The following PCBP3 variants were observed in gnomAD, a reference collection of about 807,000 sequenced individuals.
PCBP3 encodes the protein poly(rC)-binding protein 3.
Under a neutral mutation model 52.7 loss-of-function variants are expected in PCBP3, and 25 were observed. The observed-to-expected ratio is 0.47, with a 90% CI of 0.35 to 0.66. The LOEUF (loss-of-function observed/expected upper bound fraction) is 0.66. PCBP3 is among the 30% of genes least tolerant of loss of function. The pLI is 0.01. For missense variants in PCBP3, 391 were observed against 490.3 expected, an observed-to-expected ratio of 0.80 and a Z score of 1.91; for synonymous variants, 162 against 183.0, an observed-to-expected ratio of 0.89 and a Z score of 0.93.
At position 45,805,133 on chromosome 21, in the gene PCBP3, G is replaced by A. The variant is rs1260570294; in HGVS notation, c.-125-44828G>A. Among the ~76,000 whole-genome samples the A allele has an allele frequency of 6.6e-6, 1 of 152,152 alleles. No individual in the cohort carries two copies. Among genetic ancestry groups the A allele is most frequent in the East Asian group, 1.9e-4 (1 of 5,170 alleles). On this transcript the variant is annotated intron_variant, in intron 4 of 17. Coordinates refer to ENST00000681687, the MANE Select transcript of PCBP3 (RefSeq NM_001384156.1). The surrounding 1 kb of genome is among the most constrained non-coding windows in gnomAD (Gnocchi z 4.6). ...TGCCACTCTGGGCATCGTCATCTTGGGCCATGGCTACCACATATGGCGCTT... is the reference window on the plus strand; with the variant it reads ...TGCCACTCTGGGCATCGTCATCTTGAGCCATGGCTACCACATATGGCGCTT...
intron 2 of PCBP3, among the ~76,000 whole-genome samples, chr21:45,674,237 T>C (rs1260855230): frequency 1.4e-4 from 22 of 152,226 alleles, no homozygotes; most frequent in Admixed American, 1.4e-3. Context: ...TTGTTATTCT[T>C]TATGTAGGAA....
chr21:45,740,621 A>AGAGTGT (rs1555916796), intron 3 of PCBP3, among the ~76,000 whole-genome samples: 3 of 150,380 alleles, frequency 2.0e-5, no homozygotes, highest in Non-Finnish European at 4.4e-5. Flanking sequence ...TGGTGTGTGT[A>AGAGTGT]GTGTGTGTGT....
intron 3 of PCBP3, chr21:45,750,406 C>CAA (rs1491230300): frequency 7.8e-6 from 1 of 128,180 alleles, no homozygotes; most frequent in Admixed American, 7.6e-5. Context: ...CCCCCCCCCC[C>CAA]CCCCCTTCTT....
At position 45,853,495 on chromosome 21, in the gene PCBP3, C is replaced by T. The variant is rs546638599; in HGVS notation, c.10+3400C>T. 6.6e-6 allele frequency among the ~76,000 whole-genome samples: 1 copy of T among 152,186 alleles called. No homozygotes were observed. The highest frequency in any genetic ancestry group is 1.5e-5 in the Non-Finnish European group (1 of 68,030). ...CACAGTCCACAGGGTGGGAGCAGCCCGAGCAAGCAGCTCACGGGCCCCAGC... is the reference window on the plus strand; with the variant it reads ...CACAGTCCACAGGGTGGGAGCAGCCTGAGCAAGCAGCTCACGGGCCCCAGC... On this transcript the variant is annotated intron_variant, in intron 5 of 17. Coordinates refer to ENST00000681687, the MANE Select transcript of PCBP3 (RefSeq NM_001384156.1). This position sits in a 1 kb window ranked among gnomAD's most constrained non-coding sequence, Gnocchi z 4.6.
intron 4 of PCBP3, among the ~76,000 whole-genome samples, chr21:45,774,925 T>C (rs771295623): frequency 5.3e-5 from 8 of 152,236 alleles, no homozygotes; most frequent in Non-Finnish European, 1.0e-4. Flanking sequence ...TAACATTTTG[T>C]TGAGCATTAT....
chr21:45,925,397 A>G, intron 13 of PCBP3, among the ~76,000 whole-genome samples: 1 of 152,238 alleles, frequency 6.6e-6, no homozygotes, highest in East Asian at 1.9e-4. Flanking sequence ...GGAGTGAAAT[A>G]AAAAAGAAAC....
chr21:45,662,119 T>C (rs2080432703), intron 1 of PCBP3, among the ~76,000 whole-genome samples: 1 of 152,098 alleles, frequency 6.6e-6, no homozygotes, highest in African/African-American at 2.4e-5. Flanking sequence ...TTTTGCTGTG[T>C]AGACACTTTT....
At chr21:45,707,813 G>T (rs1248945183) in intron 2 of PCBP3, among the ~76,000 whole-genome samples, 3 of 152,192 alleles carry the variant, frequency 2.0e-5, no homozygotes. Context: ...AGAGAGTGGG[G>T]CCATCACTGG....
rs1379848359 is a variant in PCBP3, at chr21:45,643,858, G to A, written c.-289G>A. The A allele has an allele frequency of 2.0e-5, 3 of 148,870 alleles. No individual in the cohort carries two copies. The highest frequency in any genetic ancestry group is 7.3e-5 in the African/African-American group (3 of 41,106). 9.2% of individuals were successfully genotyped at this position (148,870 alleles called of 1,614,324 possible). ...CGCCGGCCCGCGGGCTCGCCGTCCG[G>A]CGCAGGGCAGGTGAGTGAGCGGTGG... On this transcript the variant is annotated 5_prime_UTR_variant, in exon 1 of 18. Coordinates refer to ENST00000681687, the MANE Select transcript of PCBP3 (RefSeq NM_001384156.1).
rs17354122 is a variant in PCBP3, at chr21:45,939,517, A to C, written c.910-513A>C. On this transcript the variant is annotated intron_variant, in intron 16 of 17. Coordinates refer to ENST00000681687, the MANE Select transcript of PCBP3 (RefSeq NM_001384156.1). ...GTTTAATCTAAGTTCAGCAAAAGCTAAGTTTTAGGCAGCAGTGAGCTTTGC... is the reference window on the plus strand; with the variant it reads ...GTTTAATCTAAGTTCAGCAAAAGCTCAGTTTTAGGCAGCAGTGAGCTTTGC... Among the ~76,000 whole-genome samples the C allele has an allele frequency of 7.5e-3, 1,145 of 152,376 alleles. 7 individuals are homozygous for C. The highest frequency in any genetic ancestry group is 0.012 in the Non-Finnish European group (838 of 68,036).
chr21:45,885,490 T>C (rs977149332), intron 5 of PCBP3, among the ~76,000 whole-genome samples: 11 of 152,148 alleles, frequency 7.2e-5, no homozygotes, highest in East Asian at 3.9e-4. Context: ...CCCATCCCCT[T>C]TGTTCTCTTT....
intron 4 of PCBP3, among the ~76,000 whole-genome samples, chr21:45,844,128 C>T (rs1272178124): frequency 1.3e-5 from 2 of 152,026 alleles, no homozygotes; most frequent in African/African-American, 2.4e-5. Flanking sequence ...GGCCCCAGCT[C>T]CAGCAGTCTG....
intron 2 of PCBP3, among the ~76,000 whole-genome samples, chr21:45,698,017 A>G (rs954835629): frequency 3.9e-5 from 6 of 152,126 alleles, no homozygotes; most frequent in African/African-American, 1.2e-4. Flanking sequence ...ACTACTTCCC[A>G]TGCACCTTAT....
chr21:45,866,073 G>A (rs903244115), intron 5 of PCBP3, among the ~76,000 whole-genome samples: 135 of 152,188 alleles, frequency 8.9e-4, no homozygotes, highest in Admixed American at 3.2e-3. Context: ...CATGGGCTGC[G>A]GTGTTTCAAT....
intron 7 of PCBP3, 58 bp downstream of exon 7, chr21:45,899,680 T>C (rs2095971974): frequency 7.3e-7 from 1 of 1,365,234 alleles, no homozygotes; most frequent in East Asian, 2.3e-5. Flanking sequence ...ATGGTGAGGA[T>C]GGCAGCCTCC....
chr21:45,695,785 G>A (rs2082730225), intron 2 of PCBP3, among the ~76,000 whole-genome samples: 1 of 152,056 alleles, frequency 6.6e-6, no homozygotes, highest in South Asian at 2.1e-4. Context: ...AGCACGAAAA[G>A]AATGGTCTTT....
chr21:45,910,683 A>G (rs923069574), intron 10 of PCBP3, among the ~76,000 whole-genome samples: 1 of 152,050 alleles, frequency 6.6e-6, no homozygotes, highest in South Asian at 2.1e-4. Context: ...CCAGGTGCCA[A>G]GTGCGCCCGA....
At chr21:45,912,923 C>T (rs58139084) in intron 11 of PCBP3, among the ~76,000 whole-genome samples, 7,377 of 152,262 alleles carry the variant, frequency 0.048, 416 homozygotes, top group African/African-American at 0.13. Flanking sequence ...CAGCCACCCA[C>T]TCCCCATCTT....
chr21:45,934,113 G>A lies in PCBP3; in HGVS notation c.857-1140G>A, dbSNP rs374155297. ...CCAGCAAGAGGGAAGCATGGGGGTG[G>A]GAGGAGGGCTCCCCAGTCTGGGGTA... On this transcript the variant is annotated intron_variant, in intron 15 of 17. Coordinates refer to ENST00000681687, the MANE Select transcript of PCBP3 (RefSeq NM_001384156.1). Among the ~76,000 whole-genome samples, 15 of 152,260 alleles carry A rather than the reference G, an allele frequency of 9.9e-5. No individual in the cohort carries two copies. The East Asian group carries it at 2.7e-3, about 27-fold the overall frequency.
Sources: gnomAD v4.1 joint callset for allele counts (sites outside exome capture counted in the v4.1 genomes callset) on GRCh38, gnomAD v4.1.1 for gene constraint, Gnocchi (gnomAD v3.1) non-coding constraint, MANE v1.5 for transcripts, NCBI Gene and HGNC (gene_info 2026-07-23, HGNC 2026-07-21) for gene names.